Variants in FMN1 observed in about 807,000 individuals in gnomAD.
FMN1 encodes formin 1.
FMN1 carries 110 observed loss-of-function variants against 132.4 expected under a neutral mutation model. The ratio of observed to expected loss-of-function variants is 0.83; its 90% CI spans 0.71 to 0.97. The LOEUF (loss-of-function observed/expected upper bound fraction) is 0.97. FMN1 is among the 50% of genes least tolerant of loss of function. The probability of loss-of-function intolerance (pLI) is 0.00; values close to 1 mark genes in which losing one functional copy is unlikely to be tolerated. For missense variants in FMN1, 1,792 were observed against 1,705.3 expected, an observed-to-expected ratio of 1.05 and a Z score of -0.90; for synonymous variants, 722 against 651.7, an observed-to-expected ratio of 1.11 and a Z score of -1.64.
At chr15:33,000,681 A>G (rs531175059) in intron 7 of FMN1, among the ~76,000 whole-genome samples, 115 of 152,298 alleles carry the variant, frequency 7.6e-4, no homozygotes, top group African/African-American at 2.8e-3. Flanking sequence ...TTATACATTG[A>G]GAAAATAAGA....
chr15:32,801,765 A>T (rs1165761757), intron 18 of FMN1, among the ~76,000 whole-genome samples: 1 of 152,232 alleles, frequency 6.6e-6, no homozygotes, highest in Non-Finnish European at 1.5e-5. Flanking sequence ...ACTGCAATCC[A>T]GCCTGGGCGA....
chr15:32,902,609 T>C (rs531921781), intron 12 of FMN1, among the ~76,000 whole-genome samples: 120 of 152,194 alleles, frequency 7.9e-4, no homozygotes, highest in Non-Finnish European at 1.5e-3. Context: ...CTTACACACA[T>C]AGACATAGTT....
At chr15:33,091,809 G>C (rs961848050) in intron 4 of FMN1, among the ~76,000 whole-genome samples, 13 of 152,036 alleles carry the variant, frequency 8.6e-5, no homozygotes, top group Non-Finnish European at 1.5e-4. Flanking sequence ...TTAATAAAAA[G>C]AGAAAAAAAT....
intron 5 of FMN1, among the ~76,000 whole-genome samples, chr15:33,069,340 G>A (rs2037892518): frequency 6.6e-6 from 1 of 152,208 alleles, no homozygotes; most frequent in Middle Eastern, 3.2e-3. Context: ...GTCCCACTAA[G>A]CAGGCATGCA....
At chr15:33,143,675 T>C (rs1964097327) in intron 4 of FMN1, among the ~76,000 whole-genome samples, 1 of 152,190 alleles carries the variant, frequency 6.6e-6, no homozygotes, top group South Asian at 2.1e-4. Flanking sequence ...AATCATCCTG[T>C]CTGATTACTC....
intron 15 of FMN1, among the ~76,000 whole-genome samples, chr15:32,893,431 G>C (rs1839881): frequency 0.019 from 2,861 of 152,370 alleles, 63 homozygotes; most frequent in East Asian, 0.11. Flanking sequence ...GAGTGTATCA[G>C]GCTGGTAGCA....
chr15:33,165,429 C>G (rs1297514796), intron 3 of FMN1, among the ~76,000 whole-genome samples: 2 of 152,210 alleles, frequency 1.3e-5, no homozygotes, highest in Non-Finnish European at 2.9e-5. Context: ...CTCGCTCTGT[C>G]ACCCAGGCTG....
chr15:33,030,222 G>A (rs2035872007), intron 6 of FMN1, among the ~76,000 whole-genome samples: 1 of 152,158 alleles, frequency 6.6e-6, no homozygotes, highest in South Asian at 2.1e-4. Flanking sequence ...TGTAGATGCA[G>A]ATAGTATTAG....
At chr15:32,823,014 G>C (rs2058260290) in intron 17 of FMN1, among the ~76,000 whole-genome samples, 1 of 152,058 alleles carries the variant, frequency 6.6e-6, no homozygotes, top group African/African-American at 2.4e-5. Flanking sequence ...CTCTATCTTG[G>C]GGAGAACAGA....
Position 32,923,723 on chromosome 15 carries a change from G to C in FMN1, c.3226+2451C>G, listed in dbSNP as rs568719381. Among the ~76,000 whole-genome samples, 7 of 152,306 alleles carry C rather than the reference G, an allele frequency of 4.6e-5. No homozygotes were observed. The South Asian group carries it at 1.5e-3, about 32-fold the overall frequency. On this transcript the variant is annotated intron_variant, in intron 10 of 20. Coordinates refer to ENST00000616417, the MANE Select transcript of FMN1 (RefSeq NM_001277313.2). Reference sequence around the variant, plus strand: ...TCACAGTAAACATTCAATCTAATAAGGCTAGAATGCCATGGGAAAGTTTAC... The same window carrying C: ...TCACAGTAAACATTCAATCTAATAACGCTAGAATGCCATGGGAAAGTTTAC...
chr15:33,122,089 G>A (rs1234121011), intron 4 of FMN1, among the ~76,000 whole-genome samples: 2 of 152,326 alleles, frequency 1.3e-5, no homozygotes, highest in South Asian at 2.1e-4. Flanking sequence ...TACTCTGGAA[G>A]TGCAGGAAAG....
At chr15:32,781,671 C>T (rs2056668518) in intron 19 of FMN1, among the ~76,000 whole-genome samples, 1 of 152,174 alleles carries the variant, frequency 6.6e-6, no homozygotes. Context: ...GTTTACTTAT[C>T]TTACCTTTTC....
chr15:33,124,033 GA>G (rs1179497697), intron 4 of FMN1, among the ~76,000 whole-genome samples: 1 of 152,104 alleles, frequency 6.6e-6, no homozygotes, highest in Non-Finnish European at 1.5e-5. Context: ...AAGGACTGGG[GA>G]ACTACTCTCT....
intron 16 of FMN1, among the ~76,000 whole-genome samples, chr15:32,873,785 A>G (rs979332147): frequency 6.6e-5 from 10 of 152,094 alleles, no homozygotes; most frequent in Non-Finnish European, 1.3e-4. Flanking sequence ...CCTGATGTTA[A>G]TAAGACTAGG....
intron 3 of FMN1, among the ~76,000 whole-genome samples, chr15:33,156,427 C>T (rs1184365745): frequency 4.6e-5 from 7 of 151,540 alleles, no homozygotes; most frequent in East Asian, 3.9e-4. Flanking sequence ...ACTACAGGCA[C>T]GTGCCACCAC....
At chr15:32,788,679 T>C (rs1260313828) in intron 19 of FMN1, among the ~76,000 whole-genome samples, 1 of 152,238 alleles carries the variant, frequency 6.6e-6, no homozygotes, top group African/African-American at 2.4e-5. Flanking sequence ...CTAGGCTGAA[T>C]GAAGGAGACA....
intron 19 of FMN1, among the ~76,000 whole-genome samples, chr15:32,783,799 T>C (rs985790015): frequency 7.6e-6 from 1 of 131,272 alleles, no homozygotes; most frequent in African/African-American, 2.8e-5. Flanking sequence ...TGAAGTGGCG[T>C]GGCTTTCCAT....
At chr15:33,095,142 G>A (rs948981469) in intron 4 of FMN1, among the ~76,000 whole-genome samples, 2 of 152,140 alleles carry the variant, frequency 1.3e-5, no homozygotes, top group African/African-American at 4.8e-5. Flanking sequence ...GAGGTCAGGA[G>A]TTTGAGACCA....
chr15:33,153,286 C>G lies in FMN1; in HGVS notation c.1629G>C (p.Leu543Phe). 2 of 1,536,170 alleles carry G rather than the reference C, an allele frequency of 1.3e-6. No homozygotes were observed. The highest frequency in any genetic ancestry group is 2.4e-5 in the South Asian group (2 of 84,054). Residue 543 changes from leucine (L) to phenylalanine (F), a missense_variant, in exon 4 of 21, where the codon TTG becomes TTC. Coordinates refer to ENST00000616417, the MANE Select transcript of FMN1 (RefSeq NM_001277313.2). ...QHHRILRLPA[L>F]PGEREAALND... ...TAAGAGCAGCTTCCCTCTCACCAGG[C>G]AATGCAGGGAGCCGGAGGATCCTGT...
Sources: gnomAD v4.1 joint callset for allele counts (sites outside exome capture counted in the v4.1 genomes callset) on GRCh38, gnomAD v4.1.1 for gene constraint, MANE v1.5 for transcripts, NCBI Gene and HGNC (gene_info 2026-07-23, HGNC 2026-07-21) for gene names.